Variants in LUZP2 observed in about 807,000 individuals in gnomAD.
The protein encoded by LUZP2 is leucine zipper protein 2.
In LUZP2, 52 loss-of-function variants were observed where a neutral mutation model predicts 51.6. That is an observed-to-expected ratio of 1.01 (90% CI 0.81 to 1.27). The LOEUF is 1.27. LUZP2 is among the 50% of genes most tolerant of loss of function. The probability of loss-of-function intolerance (pLI) is 0.00; values close to 1 mark genes in which losing one functional copy is unlikely to be tolerated. For synonymous variants in LUZP2, 154 were observed against 137.3 expected (o/e 1.12, Z -0.85); for missense variants, 436 against 395.4 (o/e 1.10, Z -0.87).
intron 7 of LUZP2, among the ~76,000 whole-genome samples, chr11:24,974,666 A>G (rs1426146881): frequency 6.6e-6 from 1 of 152,104 alleles, no homozygotes; most frequent in Non-Finnish European, 1.5e-5. Context: ...ATTAACCCAT[A>G]TAGATATGGC....
intron 1 of LUZP2, among the ~76,000 whole-genome samples, chr11:24,510,153 A>T (rs1458826946): frequency 6.6e-6 from 1 of 152,208 alleles, no homozygotes; most frequent in African/African-American, 2.4e-5. Context: ...GTTGCTTTGG[A>T]ACCTTGAAAG....
chr11:24,581,114 A>G (rs1852836568), intron 1 of LUZP2, among the ~76,000 whole-genome samples: 4 of 151,668 alleles, frequency 2.6e-5, no homozygotes, highest in Admixed American at 2.6e-4. Context: ...AGATCCCTGT[A>G]TATAGAAAGC....
chr11:24,736,002 A>G (rs1307256705), intron 3 of LUZP2, among the ~76,000 whole-genome samples: 6 of 152,014 alleles, frequency 3.9e-5, no homozygotes, highest in Non-Finnish European at 8.8e-5. Flanking sequence ...AGGCAGAAGG[A>G]GAGATGAAGA....
At chr11:25,073,219 A>C (rs926392747) in intron 10 of LUZP2, among the ~76,000 whole-genome samples, 3 of 152,192 alleles carry the variant, frequency 2.0e-5, no homozygotes, top group Admixed American at 6.6e-5. Context: ...AGAGCCTTGC[A>C]CTGGTTTATC....
Position 24,729,273 on chromosome 11 carries a change from A to T in LUZP2, c.167A>T (p.Lys56Ile). The T allele has an allele frequency of 6.5e-7, 1 of 1,541,450 alleles. No individual in the cohort carries two copies. The highest frequency in any genetic ancestry group is 1.2e-5 in the South Asian group (1 of 83,644). Residue 56 changes from lysine (K) to isoleucine (I), a missense_variant, in exon 2 of 12, where the codon AAA (lysine) becomes ATA (isoleucine). Transcript: ENST00000336930. The part of the protein sequence containing the change: ...TKTSRELDGI[K>I]VNLQSLKNDE... ...ACATCAAGAGAACTTGATGGAATTA[A>T]AGTCAATCTTCAGGTGAGATGAGAA...
At chr11:24,517,004 C>T (rs1257152507) in intron 1 of LUZP2, among the ~76,000 whole-genome samples, 1 of 152,074 alleles carries the variant, frequency 6.6e-6, no homozygotes, top group Non-Finnish European at 1.5e-5. Context: ...TTGATAATTT[C>T]TTATTACCAT....
chr11:25,025,791 G>A (rs1857473018), intron 9 of LUZP2, among the ~76,000 whole-genome samples: 1 of 152,082 alleles, frequency 6.6e-6, no homozygotes, highest in Non-Finnish European at 1.5e-5. Flanking sequence ...TCCCATTACT[G>A]GGCATATACC....
intron 7 of LUZP2, among the ~76,000 whole-genome samples, chr11:24,954,998 G>C (rs922212545): frequency 8.6e-5 from 13 of 151,962 alleles, no homozygotes; most frequent in Admixed American, 7.2e-4. Flanking sequence ...GGTGAGGTAT[G>C]TAAGAATATG....
At chr11:24,667,855 A>C (rs145835177) in intron 1 of LUZP2, among the ~76,000 whole-genome samples, 19 of 152,342 alleles carry the variant, frequency 1.2e-4, no homozygotes, top group African/African-American at 4.3e-4. Context: ...CCCAAAACTT[A>C]AGTCTTCTGA....
intron 1 of LUZP2, among the ~76,000 whole-genome samples, chr11:24,665,235 G>A (rs757620550): frequency 6.6e-6 from 1 of 152,150 alleles, no homozygotes; most frequent in African/African-American, 2.4e-5. Flanking sequence ...CATGGAGCCT[G>A]TAAGCCCCTT....
intron 5 of LUZP2, among the ~76,000 whole-genome samples, chr11:24,787,813 GA>G (rs1251296073): frequency 1.3e-5 from 2 of 151,888 alleles, no homozygotes; most frequent in Non-Finnish European, 2.9e-5. Flanking sequence ...TTTCTTTTTT[GA>G]AATTAGTTAC....
intron 7 of LUZP2, among the ~76,000 whole-genome samples, chr11:24,915,120 C>A (rs928926519): frequency 2.6e-5 from 4 of 151,966 alleles, no homozygotes; most frequent in African/African-American, 9.7e-5. Context: ...GACCTGAATA[C>A]AAAGAGACTA....
chr11:24,922,508 T>G (rs1854091115), intron 7 of LUZP2, among the ~76,000 whole-genome samples: 1 of 152,226 alleles, frequency 6.6e-6, no homozygotes, highest in Non-Finnish European at 1.5e-5. Flanking sequence ...ATCCACATGT[T>G]AAACTAATTT....
intron 1 of LUZP2, among the ~76,000 whole-genome samples, chr11:24,526,711 TA>T (rs1342053575): frequency 6.6e-6 from 1 of 151,328 alleles, no homozygotes; most frequent in Non-Finnish European, 1.5e-5. Context: ...TATTTCTATT[TA>T]AGAACCTGTC....
intron 5 of LUZP2, among the ~76,000 whole-genome samples, chr11:24,859,984 A>C (rs1851689932): frequency 6.6e-6 from 1 of 152,172 alleles, no homozygotes; most frequent in Non-Finnish European, 1.5e-5. Context: ...CTGCTGCCTA[A>C]GTCATTTAAG....
chr11:24,633,078 T>A (rs1017858201), intron 1 of LUZP2, among the ~76,000 whole-genome samples: 2 of 152,046 alleles, frequency 1.3e-5, no homozygotes, highest in Non-Finnish European at 2.9e-5. Context: ...TGATGTGAAT[T>A]GCCTTTTCTA....
chr11:24,949,112 T>A (rs1033366028), intron 7 of LUZP2, among the ~76,000 whole-genome samples: 19 of 151,616 alleles, frequency 1.3e-4, no homozygotes, highest in Admixed American at 6.6e-5. Flanking sequence ...GCCAGTGGTA[T>A]AAATCCCAGT....
At chr11:24,765,677 G>C (rs139179680) in intron 5 of LUZP2, among the ~76,000 whole-genome samples, 1 of 149,508 alleles carries the variant, frequency 6.7e-6, no homozygotes, top group African/African-American at 2.5e-5. Flanking sequence ...GCCCAGGCTG[G>C]AGTGCCGTGG....
At position 25,044,700 on chromosome 11, in the gene LUZP2, C is replaced by G. The variant is rs1330911370; in HGVS notation, c.766-5338C>G. ...AGAAATAGCATTTGACCCAGCCATC[C>G]CATTACTGGGTATATACCAAAGGAT... On this transcript the variant is annotated intron_variant, in intron 9 of 11. Transcript: ENST00000336930. Among the ~76,000 whole-genome samples, 6 of 131,750 alleles carry G rather than the reference C, an allele frequency of 4.6e-5. No homozygotes were observed. In the South Asian group the frequency reaches 1.5e-3, roughly 33 times the overall value. The allele number at this position is 131,750 out of a possible 152,430, so 86.4% of individuals were successfully genotyped here. A position where few individuals can be genotyped will look rare whatever the true frequency, so the allele number is the denominator to read the frequency against.
Sources: allele counts gnomAD v4.1 joint callset (sites outside exome capture counted in the v4.1 genomes callset), GRCh38; gene constraint gnomAD v4.1.1; transcripts MANE v1.5; gene names NCBI Gene and HGNC (gene_info 2026-07-23, HGNC 2026-07-21).